The following SUPT3H variants were observed in gnomAD, a reference collection of about 807,000 sequenced individuals.
SUPT3H encodes SPT3 homolog, SAGA and STAGA complex component.
A neutral mutation model predicts 44.3 loss-of-function variants in SUPT3H; 44 were observed. The observed-to-expected ratio is 0.99, with a 90% CI of 0.78 to 1.28. The LOEUF (loss-of-function observed/expected upper bound fraction) is 1.28, where lower values mean the gene tolerates loss of function less well. Among genes scored for constraint, SUPT3H ranks in the 50% most tolerant of loss-of-function variants. The pLI is 0.00. For synonymous variants in SUPT3H, 124 were observed against 125.6 expected (o/e 0.99, Z 0.09); for missense variants, 380 against 387.1 (o/e 0.98, Z 0.15).
intron 2 of SUPT3H, among the ~76,000 whole-genome samples, chr6:45,301,754 A>C (rs1782172651): frequency 6.6e-6 from 1 of 152,192 alleles, no homozygotes; most frequent in South Asian, 2.1e-4. Context: ...GTGGCACCTA[A>C]TGGGAATTTG....
chr6:44,888,639 A>G (rs1762743717), intron 10 of SUPT3H, among the ~76,000 whole-genome samples: 1 of 152,140 alleles, frequency 6.6e-6, no homozygotes, highest in African/African-American at 2.4e-5. Flanking sequence ...GCTATCTATG[A>G]CAAACCCACA....
chr6:44,845,497 G>A (rs1037080106), intron 10 of SUPT3H, among the ~76,000 whole-genome samples: 8 of 152,184 alleles, frequency 5.3e-5, no homozygotes, highest in Non-Finnish European at 1.0e-4. Context: ...GAAGAGAAGG[G>A]TGGGTCCCTG....
intron 2 of SUPT3H, among the ~76,000 whole-genome samples, chr6:45,134,281 T>C (rs1471752631): frequency 6.6e-6 from 1 of 152,146 alleles, no homozygotes; most frequent in African/African-American, 2.4e-5. Flanking sequence ...CATTAATCCA[T>C]TCAGGGAGAC....
At chr6:45,280,017 A>G (rs1188969920) in intron 2 of SUPT3H, among the ~76,000 whole-genome samples, 2 of 152,102 alleles carry the variant, frequency 1.3e-5, no homozygotes, top group Admixed American at 1.3e-4. Context: ...CTCCAGCTTT[A>G]TTTTCAATCC....
At chr6:45,255,979 G>A (rs1773314140) in intron 2 of SUPT3H, among the ~76,000 whole-genome samples, 2 of 152,078 alleles carry the variant, frequency 1.3e-5, no homozygotes, top group African/African-American at 4.8e-5. Context: ...AGACCATCCT[G>A]GCTAACACGG....
At chr6:45,228,983 A>C (rs959059314) in intron 2 of SUPT3H, among the ~76,000 whole-genome samples, 2 of 152,204 alleles carry the variant, frequency 1.3e-5, no homozygotes, top group Non-Finnish European at 2.9e-5. Context: ...AGGATTATCA[A>C]ACTTTTGCTA....
intron 10 of SUPT3H, among the ~76,000 whole-genome samples, chr6:44,864,905 C>T (rs1775258053): frequency 2.6e-5 from 4 of 152,200 alleles, no homozygotes; most frequent in Non-Finnish European, 4.4e-5. Context: ...GCTTGAATTT[C>T]TCCTCATATA....
chr6:44,869,201 C>CT (rs555233324), intron 10 of SUPT3H, among the ~76,000 whole-genome samples: 44 of 147,502 alleles, frequency 3.0e-4, no homozygotes, highest in Middle Eastern at 3.5e-3. Flanking sequence ...GCTGCTTTGT[C>CT]TTTTTTTTTT....
chr6:44,935,122 C>T (rs1771195095), intron 9 of SUPT3H, among the ~76,000 whole-genome samples: 1 of 151,832 alleles, frequency 6.6e-6, no homozygotes, highest in Non-Finnish European at 1.5e-5. Context: ...TTGATTTGCT[C>T]ATTGAGTTCT....
Position 45,264,927 on chromosome 6 carries a change from G to A in SUPT3H, c.101+100274C>T, listed in dbSNP as rs376680178. ...AAGTGAGAGAAGGCAAAACATATCC[G>A]AACAAATGTAAAAAGGATAAACATC... is the stretch of plus-strand genomic sequence containing the variant. On this transcript the variant is annotated intron_variant, in intron 2 of 10. Transcript: ENST00000371459. Among the ~76,000 whole-genome samples the A allele has an allele frequency of 1.0e-3, 153 of 152,004 alleles. 2 individuals are homozygous for A. Among genetic ancestry groups the A allele is most frequent in the Admixed American group, 3.1e-3 (47 of 15,250 alleles).
At chr6:45,328,926 A>C in intron 2 of SUPT3H, 1 of 909,906 alleles carries the variant, frequency 1.1e-6, no homozygotes, top group Non-Finnish European at 1.7e-6. Context: ...GAATTGAAAA[A>C]TGAAATTTCT....
intron 6 of SUPT3H, among the ~76,000 whole-genome samples, chr6:44,990,460 C>T (rs1184052526): frequency 1.3e-5 from 2 of 151,750 alleles, no homozygotes; most frequent in African/African-American, 2.4e-5. Flanking sequence ...AGCTTGGTAA[C>T]ATAATTGGAG....
chr6:45,062,717 C>T (rs531647692), intron 3 of SUPT3H, among the ~76,000 whole-genome samples: 33 of 152,248 alleles, frequency 2.2e-4, no homozygotes, highest in African/African-American at 7.0e-4. Context: ...CCTGGAAAAT[C>T]GGGTCACTCC....
chr6:44,824,307 A>G (rs1001747083), downstream of SUPT3H, among the ~76,000 whole-genome samples: 8 of 152,182 alleles, frequency 5.3e-5, no homozygotes, highest in African/African-American at 1.9e-4. Flanking sequence ...CAAGTGGCCA[A>G]TGCATTGGCA....
intron 6 of SUPT3H, among the ~76,000 whole-genome samples, chr6:44,997,650 A>G (rs188627925): frequency 6.6e-6 from 1 of 151,898 alleles, no homozygotes; most frequent in African/African-American, 2.4e-5. Context: ...GCCAATAGCA[A>G]TGCCTTTTAT....
intron 2 of SUPT3H, among the ~76,000 whole-genome samples, chr6:45,292,753 A>G (rs1033167193): frequency 1.4e-5 from 1 of 69,080 alleles, no homozygotes; most frequent in African/African-American, 4.6e-5. Context: ...ACATTATATA[A>G]TGATAAAAGG....
At chr6:45,127,963 G>A (rs978991109) in intron 2 of SUPT3H, among the ~76,000 whole-genome samples, 1 of 151,946 alleles carries the variant, frequency 6.6e-6, no homozygotes, top group African/African-American at 2.4e-5. Context: ...CCTGTATTTT[G>A]AAGCTCTCTT....
intron 10 of SUPT3H, among the ~76,000 whole-genome samples, chr6:44,893,460 G>A (rs542483905): frequency 1.3e-5 from 2 of 150,966 alleles, no homozygotes; most frequent in East Asian, 2.0e-4. Flanking sequence ...TCCCACCTAC[G>A]AATATGCGGT....
At chr6:44,974,012 G>T (rs1199818491) in intron 6 of SUPT3H, among the ~76,000 whole-genome samples, 2 of 152,048 alleles carry the variant, frequency 1.3e-5, no homozygotes, top group Non-Finnish European at 2.9e-5. Context: ...TGTATCAATT[G>T]CTATAACAGA....
Sources: gnomAD v4.1 joint callset for allele counts (sites outside exome capture counted in the v4.1 genomes callset) on GRCh38, gnomAD v4.1.1 for gene constraint, MANE v1.5 for transcripts, NCBI Gene and HGNC (gene_info 2026-07-23, HGNC 2026-07-21) for gene names.